Variants in VCAN observed in about 807,000 individuals in gnomAD.
VCAN encodes the protein versican.
In VCAN, 44 loss-of-function variants were observed where a neutral mutation model predicts 245.5. The observed-to-expected ratio is 0.18, with a 90% CI of 0.14 to 0.23. The LOEUF is 0.23. VCAN is among the 10% of genes least tolerant of loss of function. VCAN has a pLI of 1.00. For missense variants in VCAN, 3,793 were observed against 4,057.9 expected (o/e 0.93, Z 1.77); for synonymous variants, 1,413 against 1,437.0 (o/e 0.98, Z 0.38).
rs773561945 is a variant in VCAN, at chr5:83,539,626, C to T, written c.6623C>T (p.Ala2208Val). 1.3e-5 allele frequency: 21 copies of T among 1,614,026 alleles called. No individual in the cohort carries two copies. Among genetic ancestry groups the T allele is most frequent in the Non-Finnish European group, 1.4e-5 (17 of 1,179,980 alleles). The change falls in exon 8 of 15, where the codon GCT becomes GTT. Residue 2208 changes from alanine (A) to valine (V), a missense_variant. Coordinates refer to ENST00000265077, the MANE Select transcript of VCAN (RefSeq NM_004385.5). ...ACTGAAAAGTCACATTTTTTCTTAGCTACTGCATTAGTAACTGAATCTATA... is the reference window on the plus strand; with the variant it reads ...ACTGAAAAGTCACATTTTTTCTTAGTTACTGCATTAGTAACTGAATCTATA... ...EATEKSHFFLATALVTESIPA... is the reference protein window; with the variant it reads ...EATEKSHFFLVTALVTESIPA...
At chr5:83,503,188 A>G (rs1488465611) in intron 5 of VCAN, among the ~76,000 whole-genome samples, 3 of 152,108 alleles carry the variant, frequency 2.0e-5, no homozygotes, top group African/African-American at 7.2e-5. Context: ...TCTTATGTAT[A>G]TCCATACAGA....
chr5:83,547,571 G>A (rs148484867), intron 9 of VCAN, among the ~76,000 whole-genome samples: 3 of 152,294 alleles, frequency 2.0e-5, no homozygotes, highest in East Asian at 3.9e-4. Flanking sequence ...AGTAGTCCAT[G>A]TGTGAGGTAA....
At chr5:83,579,163 A>C (rs894720329) in intron 13 of VCAN, among the ~76,000 whole-genome samples, 1 of 152,226 alleles carries the variant, frequency 6.6e-6, no homozygotes, top group Non-Finnish European at 1.5e-5. Flanking sequence ...AAATGGAACC[A>C]AAAGATATTT....
chr5:83,547,472 CTG>C (rs1026503274), intron 9 of VCAN, among the ~76,000 whole-genome samples: 1 of 152,130 alleles, frequency 6.6e-6, no homozygotes, highest in African/African-American at 2.4e-5. Flanking sequence ...ATTATCATGA[CTG>C]TGTCTAAAAA....
At position 83,493,917 on chromosome 5, in the gene VCAN, T is replaced by C; in HGVS notation, c.734T>C (p.Val245Ala). 1 of 1,614,100 alleles carries C rather than the reference T, an allele frequency of 6.2e-7. No individual in the cohort carries two copies. The highest frequency in any genetic ancestry group is 8.5e-7 in the Non-Finnish European group (1 of 1,179,974). ...GAAACTTACGATGTGTATTGTTATG[T>C]GGATCATCTGGATGGTAAGATGTTT... Reference protein sequence around the residue: ...PQETYDVYCYVDHLDGDVFHL... With the variant: ...PQETYDVYCYADHLDGDVFHL... The change falls in exon 5 of 15, where the codon GTG (valine) becomes GCG (alanine). Residue 245 changes from valine (V) to alanine (A), a missense_variant. Coordinates refer to ENST00000265077, the MANE Select transcript of VCAN (RefSeq NM_004385.5).
At chr5:83,499,169 T>A (rs569372091) in intron 5 of VCAN, among the ~76,000 whole-genome samples, 49 of 152,254 alleles carry the variant, frequency 3.2e-4, no homozygotes, top group African/African-American at 1.1e-3. Flanking sequence ...CAGCTCACAC[T>A]GAAATTTCTT....
At chr5:83,535,535 C>T (rs1466969719) in intron 7 of VCAN, 1 of 152,102 alleles carries the variant, frequency 6.6e-6, no homozygotes, top group Admixed American at 6.6e-5. Flanking sequence ...AGTTCCTACA[C>T]TTCTATATTT....
chr5:83,473,765 C>T (rs561923015), intron 1 of VCAN, among the ~76,000 whole-genome samples: 2 of 152,068 alleles, frequency 1.3e-5, no homozygotes, highest in East Asian at 1.9e-4. Flanking sequence ...GAAAAACAAG[C>T]CCCCCAGACC....
In VCAN at chr5:83,541,854, A is replaced by G; in HGVS notation, c.8851A>G (p.Ile2951Val). The G allele has an allele frequency of 6.2e-7, 1 of 1,614,106 alleles. No individual in the cohort carries two copies. The change falls in exon 8 of 15, where the codon ATT (isoleucine) becomes GTT (valine). Residue 2951 changes from isoleucine to valine, a missense_variant. Physicochemically the swap from Ile to Val is conservative, Grantham distance 29. Around this residue, in one of 5 missense-constraint regions of VCAN, gnomAD observed 3,182 missense variants for 3,250.3 expected, o/e 0.98. Coordinates refer to ENST00000265077, the MANE Select transcript of VCAN (RefSeq NM_004385.5). Reference protein sequence around the residue: ...SGEAIKMFPTIKTPEAGTVIT... With the variant: ...SGEAIKMFPTVKTPEAGTVIT... ...AGAAGCAATCAAGATGTTTCCCACCATTAAAACACCTGAGGCTGGAACTGT... is the reference window on the plus strand; with the variant it reads ...AGAAGCAATCAAGATGTTTCCCACCGTTAAAACACCTGAGGCTGGAACTGT...
Position 83,581,390 on chromosome 5 carries a change from G to T in VCAN, c.*956G>T, listed in dbSNP as rs538707927. On this transcript the variant is annotated 3_prime_UTR_variant, in exon 15 of 15. Coordinates refer to ENST00000265077, the MANE Select transcript of VCAN (RefSeq NM_004385.5). ...TTTAATCTTTTATAAAGTTTTGAAT[G>T]TTCATGTATGAATGCTGCAGCTGTG... 1.9e-4 allele frequency: 28 copies of T among 148,170 alleles called. No individual in the cohort carries two copies. The highest frequency in any genetic ancestry group is 6.2e-4 in the African/African-American group (25 of 40,058). The allele number at this position is 148,170 out of a possible 1,614,324, so 9.2% of individuals were successfully genotyped here.
At chr5:83,487,861 C>G (rs1309344504) in intron 2 of VCAN, among the ~76,000 whole-genome samples, 1 of 151,844 alleles carries the variant, frequency 6.6e-6, no homozygotes, top group Non-Finnish European at 1.5e-5. Flanking sequence ...CATGTCTGTC[C>G]CTATATACTT....
At chr5:83,567,688 A>G (rs1051274971) in intron 12 of VCAN, among the ~76,000 whole-genome samples, 1 of 152,220 alleles carries the variant, frequency 6.6e-6, no homozygotes, top group Non-Finnish European at 1.5e-5. Flanking sequence ...CAGGTGTAGT[A>G]GTGATCTAAT....
rs771115359 is a variant in VCAN, at chr5:83,538,900, A to T, written c.5897A>T (p.Asp1966Val). 6.2e-7 allele frequency: 1 copy of T among 1,613,982 alleles called. No homozygotes were observed. The highest frequency in any genetic ancestry group is 1.3e-5 in the African/African-American group (1 of 75,012). The change falls in exon 8 of 15, where the codon GAC becomes GTC. Residue 1966 changes from aspartate (D) to valine (V), a missense_variant. Asp to Val is a radical substitution (Grantham distance 152, BLOSUM62 -3). Transcript: ENST00000265077. ...GGCTCTGGAGATGCAGCATTTAGGG[A>T]CACCCAGACTTCACCATCTACAGTA... ...MEGSGDAAFR[D>V]TQTSPSTVPT...
At chr5:83,522,393 A>T (rs1746143313) in intron 7 of VCAN, 84 bp downstream of exon 7, 1 of 1,411,786 alleles carries the variant, frequency 7.1e-7, no homozygotes, top group Non-Finnish European at 9.8e-7. Flanking sequence ...AAGTCAACAT[A>T]CCAAATGCTG....
intron 6 of VCAN, among the ~76,000 whole-genome samples, chr5:83,516,033 C>T (rs187722088): frequency 5.3e-4 from 80 of 152,284 alleles, no homozygotes; most frequent in Admixed American, 1.4e-3. Context: ...GAGATCGAGA[C>T]CATCCTGGCT....
rs2112470125 is a variant in VCAN at position 83,553,419 on chromosome 5, C to T, written c.9549C>T (p.Tyr3183=). The change falls in exon 11 of 15, where the codon TAC becomes TAT. Residue 3183 remains tyrosine, a synonymous_variant. Coordinates refer to ENST00000265077, the MANE Select transcript of VCAN (RefSeq NM_004385.5). The part of the protein sequence containing the change: ...WHKFQGQCYK[Y]FAHRRTWDAA... ...AATTCCAAGGGCAGTGCTACAAATACTTTGCCCATCGACGCACATGGGATG... is the reference window on the plus strand; with the variant it reads ...AATTCCAAGGGCAGTGCTACAAATATTTTGCCCATCGACGCACATGGGATG... 1.2e-6 allele frequency: 2 copies of T among 1,614,094 alleles called. No homozygotes were observed. Among genetic ancestry groups the T allele is most frequent in the Admixed American group, 3.3e-5 (2 of 60,018 alleles).
chr5:83,490,803 G>C (rs1017450583), intron 3 of VCAN, among the ~76,000 whole-genome samples: 7 of 152,092 alleles, frequency 4.6e-5, no homozygotes, highest in East Asian at 1.9e-4. Flanking sequence ...CTCTGAAGGC[G>C]AATCTACATT....
chr5:83,548,714 A>C lies in VCAN; in HGVS notation c.9493+630A>C, dbSNP rs569767677. Among the ~76,000 whole-genome samples, 5 of 152,330 alleles carry C rather than the reference A, an allele frequency of 3.3e-5. No homozygotes were observed. In the South Asian group the frequency reaches 1.0e-3, roughly 32 times the overall value. On this transcript the variant is annotated intron_variant, in intron 10 of 14. Transcript: ENST00000265077. Reference sequence around the variant, plus strand: ...TAATGGGAGCATTTCTTGGTCCATCAATAAGAAACAGATTGCATGCTAAGC... The same window carrying C: ...TAATGGGAGCATTTCTTGGTCCATCCATAAGAAACAGATTGCATGCTAAGC...
chr5:83,483,637 G>C, intron 2 of VCAN, 49 bp downstream of exon 2: 1 of 1,536,352 alleles, frequency 6.5e-7, no homozygotes, highest in Non-Finnish European at 9.0e-7. Flanking sequence ...AAAAATGTAA[G>C]TGCTGGAGGA....
Sources: allele counts gnomAD v4.1 joint callset (sites outside exome capture counted in the v4.1 genomes callset), GRCh38; gene constraint gnomAD v4.1.1; regional missense constraint gnomAD v4.1.1; transcripts MANE v1.5; gene names NCBI Gene and HGNC (gene_info 2026-07-23, HGNC 2026-07-21).